The following OSBPL10 variants were observed in gnomAD, a reference collection of about 807,000 sequenced individuals.
The protein encoded by OSBPL10 is oxysterol-binding protein-related protein 10.
Under a neutral mutation model 81.7 loss-of-function variants are expected in OSBPL10, and 49 were observed. That is an observed-to-expected ratio of 0.60 (90% confidence interval 0.48 to 0.76). The LOEUF (loss-of-function observed/expected upper bound fraction) is 0.76. Ranked by LOEUF, OSBPL10 falls within the 30% of genes least tolerant of loss-of-function variation. The pLI, the probability that OSBPL10 is intolerant of heterozygous loss-of-function variation, is 0.00. For synonymous variants in OSBPL10, 419 were observed against 383.6 expected, an observed-to-expected ratio of 1.09 and a Z score of -1.08; for missense variants, 923 against 987.8, an observed-to-expected ratio of 0.93 and a Z score of 0.88.
intron 3 of OSBPL10, among the ~76,000 whole-genome samples, chr3:31,833,109 G>A (rs932545854): frequency 1.3e-5 from 2 of 152,184 alleles, no homozygotes; most frequent in African/African-American, 4.8e-5. Context: ...GGAGAGTAGA[G>A]GGAGAAAGAG....
upstream of OSBPL10, among the ~76,000 whole-genome samples, chr3:31,984,296 T>C (rs1199054110): frequency 6.6e-6 from 1 of 151,842 alleles, no homozygotes; most frequent in Non-Finnish European, 1.5e-5. Flanking sequence ...CACCTCGGCC[T>C]CCCAAAGTGC....
intron 10 of OSBPL10, among the ~76,000 whole-genome samples, chr3:31,665,926 G>C (rs773165947): frequency 3.9e-5 from 6 of 152,112 alleles, no homozygotes; most frequent in East Asian, 1.9e-4. Context: ...CCAGAGACAG[G>C]GTGATGGGAC....
chr3:31,737,825 C>A (rs542340648), intron 5 of OSBPL10, among the ~76,000 whole-genome samples: 1 of 151,968 alleles, frequency 6.6e-6, no homozygotes, highest in Non-Finnish European at 1.5e-5. Flanking sequence ...AACCCCGACT[C>A]TACTAAAAAT....
intron 2 of OSBPL10, chr3:31,989,864 T>C: frequency 6.2e-7 from 1 of 1,614,150 alleles, no homozygotes; most frequent in East Asian, 2.2e-5. Flanking sequence ...AAATGTGATG[T>C]ATGTGGCAAG....
At chr3:31,912,586 C>T (rs971571865) in intron 1 of OSBPL10, among the ~76,000 whole-genome samples, 4 of 152,120 alleles carry the variant, frequency 2.6e-5, no homozygotes, top group Non-Finnish European at 5.9e-5. Context: ...GGCCAAAAAT[C>T]AACTTCATCA....
chr3:31,818,130 C>T (rs1699891805), intron 4 of OSBPL10, among the ~76,000 whole-genome samples: 1 of 151,978 alleles, frequency 6.6e-6, no homozygotes, highest in Non-Finnish European at 1.5e-5. Flanking sequence ...CAAAAAAACA[C>T]CCTCACATGT....
At chr3:32,017,873 G>C (rs543525000) in intron 2 of OSBPL10, among the ~76,000 whole-genome samples, 25 of 152,316 alleles carry the variant, frequency 1.6e-4, no homozygotes, top group African/African-American at 5.8e-4. Flanking sequence ...TGTCAGCCAG[G>C]CGCAGTGGCT....
intron 1 of OSBPL10, among the ~76,000 whole-genome samples, chr3:31,948,812 G>T (rs888726278): frequency 6.6e-6 from 1 of 152,140 alleles, no homozygotes; most frequent in African/African-American, 2.4e-5. Flanking sequence ...ATTCAAGAAG[G>T]AATTGACTTA....
rs186869978 is a variant in OSBPL10 at position 31,874,204 on chromosome 3, C to G, written c.537+2229G>C. Among the ~76,000 whole-genome samples, 19 of 151,800 alleles carry G rather than the reference C, an allele frequency of 1.3e-4. No homozygotes were observed. The East Asian group carries it at 3.7e-3, about 29-fold the overall frequency. On this transcript the variant is annotated intron_variant, in intron 3 of 11. Transcript: ENST00000396556. ...ATTAATGTACTTAAAGTTGGTTCCC[C>G]TACCTCAATTCCCACTCCCAAAATA...
chr3:31,678,616 AG>A (rs1228144406), intron 8 of OSBPL10, among the ~76,000 whole-genome samples: 1 of 152,200 alleles, frequency 6.6e-6, no homozygotes, highest in Non-Finnish European at 1.5e-5. Context: ...GGCAAGAATT[AG>A]GGGCTCACAG....
At chr3:31,996,882 G>A (rs1489292973) in intron 2 of OSBPL10, among the ~76,000 whole-genome samples, 1 of 152,144 alleles carries the variant, frequency 6.6e-6, no homozygotes, top group Non-Finnish European at 1.5e-5. Flanking sequence ...ATTCAATATG[G>A]TATGTGGTTG....
intron 6 of OSBPL10, among the ~76,000 whole-genome samples, chr3:31,713,291 C>T (rs1696325427): frequency 6.6e-6 from 1 of 152,222 alleles, no homozygotes; most frequent in African/African-American, 2.4e-5. Flanking sequence ...GTTCTTGGAA[C>T]ACGCAAAGGA....
chr3:32,004,383 A>T (rs1183293686), intron 2 of OSBPL10, among the ~76,000 whole-genome samples: 2 of 152,192 alleles, frequency 1.3e-5, no homozygotes, highest in African/African-American at 4.8e-5. Context: ...TTACATTACC[A>T]GGAAGGATTG....
intron 4 of OSBPL10, among the ~76,000 whole-genome samples, chr3:31,782,233 C>T (rs1263419171): frequency 6.6e-6 from 1 of 152,158 alleles, no homozygotes; most frequent in Non-Finnish European, 1.5e-5. Context: ...TGGCAAACCA[C>T]ATGTACAAGA....
At chr3:32,047,945 A>G (rs981790257) in intron 1 of OSBPL10, among the ~76,000 whole-genome samples, 64 of 151,952 alleles carry the variant, frequency 4.2e-4, no homozygotes, top group Non-Finnish European at 8.8e-4. Flanking sequence ...GATTACAGGC[A>G]TAAGCCACCA....
At chr3:31,694,674 G>T (rs1695661338) in intron 7 of OSBPL10, among the ~76,000 whole-genome samples, 1 of 152,106 alleles carries the variant, frequency 6.6e-6, no homozygotes, top group African/African-American at 2.4e-5. Context: ...TCTTTGATTA[G>T]TAACAACTTA....
intron 1 of OSBPL10, among the ~76,000 whole-genome samples, chr3:31,940,437 C>A (rs1412215964): frequency 6.6e-6 from 1 of 152,164 alleles, no homozygotes; most frequent in Non-Finnish European, 1.5e-5. Flanking sequence ...GAAATGGGCA[C>A]TGGGGAATTT....
In OSBPL10 at chr3:32,022,713, G is replaced by A. The variant is rs1356737761; in HGVS notation, n.298+23778C>T. Among the ~76,000 whole-genome samples the A allele has an allele frequency of 1.3e-5, 2 of 152,088 alleles. 1 individual carries two copies. The highest frequency in any genetic ancestry group is 6.3e-3 in the Middle Eastern group (2 of 316). ...GGATCACTTGAGCCCGGGAGGCAGAGGTTGCAGTGAGCCAAGATTGCACAC... is the reference window on the plus strand; with the variant it reads ...GGATCACTTGAGCCCGGGAGGCAGAAGTTGCAGTGAGCCAAGATTGCACAC... On this transcript the variant is annotated intron_variant and non_coding_transcript_variant, in intron 2 of 3. Coordinates refer to the OSBPL10 transcript ENST00000479173.
chr3:31,924,024 C>G (rs138756384), intron 1 of OSBPL10, among the ~76,000 whole-genome samples: 70 of 152,060 alleles, frequency 4.6e-4, no homozygotes, highest in African/African-American at 1.6e-3. Context: ...CAAGACCAGC[C>G]TGGCCAACAT....
Sources: allele counts gnomAD v4.1 joint callset (sites outside exome capture counted in the v4.1 genomes callset), GRCh38; gene constraint gnomAD v4.1.1; transcripts MANE v1.5; gene names NCBI Gene and HGNC (gene_info 2026-07-23, HGNC 2026-07-21).